SORCS1: variants seen among roughly 807,000 people sequenced by gnomAD.
SORCS1 encodes VPS10 domain-containing receptor SorCS1.
A neutral mutation model predicts 146.1 loss-of-function variants in SORCS1; 60 were observed. The observed-to-expected ratio is 0.41, with a 90% CI of 0.33 to 0.51. The LOEUF (loss-of-function observed/expected upper bound fraction) is 0.51, where lower values mean the gene tolerates loss of function less well. Among genes scored for constraint, SORCS1 ranks in the 20% least tolerant of loss-of-function variants. The probability of loss-of-function intolerance (pLI) is 0.21; values close to 1 mark genes in which losing one functional copy is unlikely to be tolerated. For synonymous variants in SORCS1, 637 were observed against 584.0 expected (o/e 1.09, Z -1.31); for missense variants, 1,352 against 1,487.6 (o/e 0.91, Z 1.50).
intron 1 of SORCS1, among the ~76,000 whole-genome samples, chr10:107,048,505 T>C (rs1167718056): frequency 6.6e-6 from 1 of 152,262 alleles, no homozygotes; most frequent in Non-Finnish European, 1.5e-5. Flanking sequence ...TTCACTGCGG[T>C]AGCCCCAATG....
the SORCS1 span, among the ~76,000 whole-genome samples, chr10:107,172,134 C>T: frequency 6.6e-6 from 1 of 152,154 alleles, no homozygotes; most frequent in Non-Finnish European, 1.5e-5. Flanking sequence ...CTGTAGAGGC[C>T]AGCAGCCAAA....
At chr10:107,134,720 A>C (rs1202543235) in intron 1 of SORCS1, among the ~76,000 whole-genome samples, 1 of 152,228 alleles carries the variant, frequency 6.6e-6, no homozygotes, top group Non-Finnish European at 1.5e-5. Context: ...TGGGATGAGA[A>C]ATCGGACAAG....
At chr10:106,649,580 T>C (rs1849709151) in intron 18 of SORCS1, among the ~76,000 whole-genome samples, 1 of 152,204 alleles carries the variant, frequency 6.6e-6, no homozygotes, top group African/African-American at 2.4e-5. Flanking sequence ...AGCTCAGTGA[T>C]TTTTCTTTGC....
At chr10:106,588,837 G>A (rs1177586830) in intron 24 of SORCS1, among the ~76,000 whole-genome samples, 3 of 137,752 alleles carry the variant, frequency 2.2e-5, no homozygotes, top group Admixed American at 7.7e-5. Flanking sequence ...CTCCAGCCTG[G>A]GTGACAGGGC....
intron 1 of SORCS1, among the ~76,000 whole-genome samples, chr10:106,958,272 C>G (rs552087857): frequency 1.3e-5 from 2 of 152,294 alleles, no homozygotes; most frequent in African/African-American, 4.8e-5. Context: ...TAACCTAGAA[C>G]ATTTGGCCCA....
At position 106,587,457 on chromosome 10, in the gene SORCS1, C is replaced by T. The variant is rs891656667; in HGVS notation, c.3266-7983G>A. ...TATTGTAGTTTCTAAAACTTCTTGA[C>T]GAACGGTAATTCTCCCTTCAAGTGG... On this transcript the variant is annotated intron_variant, in intron 24 of 25. Coordinates refer to ENST00000263054, the MANE Select transcript of SORCS1 (RefSeq NM_052918.5). 6.6e-5 allele frequency among the ~76,000 whole-genome samples: 10 copies of T among 152,236 alleles called. No homozygotes were observed. In the East Asian group the frequency reaches 1.3e-3, roughly 20 times the overall value.
At position 107,164,537 on chromosome 10, in the gene SORCS1, A is replaced by C; in HGVS notation, c.-11T>G. ...GCCAACTTTTCCCATCGCGGGAGCG[A>C]AGAGCAGCGGAGAGAGGGGTCCCAG... On this transcript the variant is annotated 5_prime_UTR_variant, in exon 1 of 26. Transcript: ENST00000263054. This position sits in a 1 kb window ranked among gnomAD's most constrained non-coding sequence, Gnocchi z 6.8. 7.4e-7 allele frequency: 1 copy of C among 1,344,450 alleles called. No homozygotes were observed. The highest frequency in any genetic ancestry group is 9.5e-7 in the Non-Finnish European group (1 of 1,055,674). 83.3% of individuals were successfully genotyped at this position (1,344,450 alleles called of 1,614,324 possible). A position where few individuals can be genotyped will look rare whatever the true frequency, so the allele number is the denominator to read the frequency against.
rs552232827 is a variant in SORCS1, at chr10:106,799,538, AAAAC to A, written c.727-22850_727-22847del. ...AGAACTCAAACAAACTTACAAGAAG[AAAAC>A]AAACAACCCCATCAAAAAGTGGGCA... On this transcript the variant is annotated intron_variant, in intron 3 of 25. Transcript: ENST00000263054. Among the ~76,000 whole-genome samples, 1,327 of 152,336 alleles carry A rather than the reference AAAAC, an allele frequency of 8.7e-3. 22 individuals carry two copies. Among genetic ancestry groups the A allele is most frequent in the African/African-American group, 0.031 (1,286 of 41,568 alleles).
chr10:106,916,584 A>ACACG (rs1227746334), intron 2 of SORCS1, among the ~76,000 whole-genome samples: 1 of 148,384 alleles, frequency 6.7e-6, no homozygotes, highest in Non-Finnish European at 1.5e-5. Context: ...ATACACACAC[A>ACACG]CACACACACA....
Position 107,017,178 on chromosome 10 carries a change from G to A in SORCS1, c.559-60598C>T, listed in dbSNP as rs891356602. Among the ~76,000 whole-genome samples the A allele has an allele frequency of 2.0e-5, 3 of 152,132 alleles. No individual in the cohort carries two copies. The East Asian group carries it at 5.8e-4, about 29-fold the overall frequency. ...GTAACTGACAAAAATGCATATATTT[G>A]AGCCTAAAAGACATGCACAAATGTT... On this transcript the variant is annotated intron_variant, in intron 1 of 25. Transcript: ENST00000263054.
the SORCS1 span, among the ~76,000 whole-genome samples, chr10:107,176,061 AC>A: frequency 6.6e-6 from 1 of 152,258 alleles, no homozygotes. Context: ...TATATTTGAA[AC>A]TTTTTATTCC....
intron 3 of SORCS1, among the ~76,000 whole-genome samples, chr10:106,800,398 G>T (rs777957766): frequency 2.0e-5 from 3 of 151,684 alleles, no homozygotes; most frequent in Non-Finnish European, 2.9e-5. Context: ...AACATTTCTA[G>T]GATTGTGTAC....
chr10:106,901,081 A>G (rs1951681619), intron 2 of SORCS1, among the ~76,000 whole-genome samples: 1 of 152,114 alleles, frequency 6.6e-6, no homozygotes, highest in Non-Finnish European at 1.5e-5. Flanking sequence ...CTGGAGAAGG[A>G]TTATAGCCCA....
At chr10:106,579,110 C>T (rs760161192) in intron 25 of SORCS1, 3 of 1,613,998 alleles carry the variant, frequency 1.9e-6, no homozygotes, top group Admixed American at 3.3e-5. Context: ...GGGATTCCAC[C>T]TTCTCATCTA....
intron 1 of SORCS1, among the ~76,000 whole-genome samples, chr10:106,989,502 C>A (rs905276992): frequency 9.2e-5 from 14 of 151,794 alleles, no homozygotes; most frequent in Admixed American, 6.6e-5. Context: ...AAGGTCCACT[C>A]ACAATGTAGT....
intron 9 of SORCS1, among the ~76,000 whole-genome samples, chr10:106,689,005 T>C (rs1423548970): frequency 6.6e-6 from 1 of 152,202 alleles, no homozygotes; most frequent in East Asian, 1.9e-4. Flanking sequence ...GATCTCTCTG[T>C]TAAGCCACCA....
chr10:106,769,147 GC>G (rs1359282137), intron 4 of SORCS1, among the ~76,000 whole-genome samples: 3 of 152,268 alleles, frequency 2.0e-5, no homozygotes, highest in Non-Finnish European at 4.4e-5. Flanking sequence ...ATTGAAAGCA[GC>G]CATGATAAGT....
At chr10:107,115,254 A>T (rs1218462729) in intron 1 of SORCS1, among the ~76,000 whole-genome samples, 1 of 152,020 alleles carries the variant, frequency 6.6e-6, no homozygotes, top group African/African-American at 2.4e-5. Context: ...AAAAAAAAAA[A>T]TCCTAAAGTT....
At chr10:107,146,259 T>A (rs1240256781) in intron 1 of SORCS1, among the ~76,000 whole-genome samples, 2 of 152,232 alleles carry the variant, frequency 1.3e-5, no homozygotes, top group African/African-American at 4.8e-5. Context: ...CCTAAGCGTT[T>A]GTCTCTTTAG....
Sources: allele counts gnomAD v4.1 joint callset (sites outside exome capture counted in the v4.1 genomes callset), GRCh38; gene constraint gnomAD v4.1.1; non-coding constraint Gnocchi (gnomAD v3.1); transcripts MANE v1.5; gene names NCBI Gene and HGNC (gene_info 2026-07-23, HGNC 2026-07-21).